KCND2: variants seen among roughly 807,000 people sequenced by gnomAD.
KCND2 encodes A-type voltage-gated potassium channel KCND2.
A neutral mutation model predicts 54.4 loss-of-function variants in KCND2; 16 were observed. The ratio of observed to expected loss-of-function variants is 0.29; its 90% CI spans 0.20 to 0.45. The LOEUF is 0.45. Ranked by LOEUF, KCND2 falls within the 20% of genes least tolerant of loss-of-function variation. KCND2 has a pLI of 1.00. For missense variants in KCND2, 486 were observed against 824.2 expected (o/e 0.59, Z 5.02); for synonymous variants, 317 against 310.7 (o/e 1.02, Z -0.21).
intron 1 of KCND2, among the ~76,000 whole-genome samples, chr7:120,678,648 A>G (rs1177407172): frequency 1.4e-5 from 2 of 147,548 alleles, no homozygotes; most frequent in Non-Finnish European, 3.0e-5. Flanking sequence ...ACACACATAT[A>G]TACACATACA....
intron 1 of KCND2, among the ~76,000 whole-genome samples, chr7:120,438,442 C>T (rs536768193): frequency 6.6e-6 from 1 of 151,888 alleles, no homozygotes; most frequent in East Asian, 1.9e-4. Context: ...TAATATTTTC[C>T]AAAGATAAAG....
chr7:120,685,190 T>A (rs1419101560), intron 1 of KCND2, among the ~76,000 whole-genome samples: 2 of 152,084 alleles, frequency 1.3e-5, no homozygotes, highest in Non-Finnish European at 2.9e-5. Context: ...GCTGATAAAG[T>A]TGGAAACTCT....
intron 1 of KCND2, among the ~76,000 whole-genome samples, chr7:120,548,550 A>G (rs1402286533): frequency 6.6e-6 from 1 of 152,138 alleles, no homozygotes; most frequent in East Asian, 1.9e-4. Context: ...TTTCTTCTCA[A>G]TCAAACAAGG....
intron 1 of KCND2, among the ~76,000 whole-genome samples, chr7:120,302,300 C>A (rs903006872): frequency 1.3e-5 from 2 of 152,154 alleles, no homozygotes; most frequent in African/African-American, 4.8e-5. Context: ...CACTCTTTTG[C>A]CCAGGCTGGA....
intron 1 of KCND2, among the ~76,000 whole-genome samples, chr7:120,723,664 A>G (rs1474522893): frequency 2.0e-5 from 3 of 152,272 alleles, no homozygotes; most frequent in South Asian, 2.1e-4. Context: ...ACTGTAGTAC[A>G]CTATGACTAT....
At chr7:120,604,774 A>AT (rs950875898) in intron 1 of KCND2, among the ~76,000 whole-genome samples, 1 of 149,686 alleles carries the variant, frequency 6.7e-6, no homozygotes, top group African/African-American at 2.5e-5. Flanking sequence ...AACAAGAAAA[A>AT]TTTTTTTATG....
chr7:120,556,978 G>A (rs1268382350), intron 1 of KCND2, among the ~76,000 whole-genome samples: 1 of 152,100 alleles, frequency 6.6e-6, no homozygotes, highest in Non-Finnish European at 1.5e-5. Context: ...CCAACAATGT[G>A]AATCTCTAAA....
chr7:120,314,537 T>C (rs73431904), intron 1 of KCND2, among the ~76,000 whole-genome samples: 3,245 of 152,252 alleles, frequency 0.021, 131 homozygotes, highest in African/African-American at 0.074. Flanking sequence ...TTATACCATG[T>C]TACCATAAAG....
chr7:120,729,672 A>G (rs200188188), intron 1 of KCND2, among the ~76,000 whole-genome samples: 16 of 152,228 alleles, frequency 1.1e-4, no homozygotes, highest in Non-Finnish European at 2.2e-4. Context: ...GTGAGAGAAG[A>G]TGTTCCCACT....
intron 2 of KCND2, among the ~76,000 whole-genome samples, chr7:120,734,360 A>T (rs976716004): frequency 5.9e-5 from 9 of 152,104 alleles, no homozygotes; most frequent in Non-Finnish European, 1.0e-4. Context: ...TTGAGTCAAC[A>T]CATACAACCT....
At chr7:120,371,210 A>C (rs1305659566) in intron 1 of KCND2, among the ~76,000 whole-genome samples, 1 of 151,996 alleles carries the variant, frequency 6.6e-6, no homozygotes, top group East Asian at 1.9e-4. Flanking sequence ...CCCTGAGTTC[A>C]GCAGAGCCTT....
intron 1 of KCND2, among the ~76,000 whole-genome samples, chr7:120,323,140 C>G (rs934813715): frequency 1.3e-5 from 2 of 151,916 alleles, no homozygotes; most frequent in African/African-American, 4.8e-5. Context: ...AATACTCTCC[C>G]TTTCCTTACC....
intron 1 of KCND2, among the ~76,000 whole-genome samples, chr7:120,661,182 T>TA (rs34509439): frequency 0.034 from 5,220 of 152,272 alleles, 208 homozygotes; most frequent in African/African-American, 0.1. Context: ...GGATCATCTG[T>TA]ATTGCTCCTG....
chr7:120,650,708 C>T (rs1313199547), intron 1 of KCND2, among the ~76,000 whole-genome samples: 1 of 143,792 alleles, frequency 7.0e-6, no homozygotes, highest in African/African-American at 2.7e-5. Flanking sequence ...TTAGAATTTT[C>T]AGCTTTTCTG....
At chr7:120,747,334 T>C (rs1362678976) in intron 5 of KCND2, among the ~76,000 whole-genome samples, 1 of 152,114 alleles carries the variant, frequency 6.6e-6, no homozygotes, top group Admixed American at 6.6e-5. Flanking sequence ...TTCATAGTGG[T>C]TTCTCAAACC....
intron 1 of KCND2, among the ~76,000 whole-genome samples, chr7:120,352,805 T>A (rs1800435383): frequency 6.6e-6 from 1 of 152,194 alleles, no homozygotes; most frequent in South Asian, 2.1e-4. Context: ...TAAGTCAGTC[T>A]ACATTTGTAG....
intron 1 of KCND2, among the ~76,000 whole-genome samples, chr7:120,562,093 A>G (rs918953493): frequency 6.6e-6 from 1 of 152,186 alleles, no homozygotes; most frequent in Non-Finnish European, 1.5e-5. Flanking sequence ...GTAAATATTC[A>G]TCAAGGCTGC....
chr7:120,575,279 A>G (rs1792416511), intron 1 of KCND2, among the ~76,000 whole-genome samples: 1 of 152,176 alleles, frequency 6.6e-6, no homozygotes, highest in Non-Finnish European at 1.5e-5. Flanking sequence ...TCTATGGTCA[A>G]AAGCCTAAGA....
intron 1 of KCND2, among the ~76,000 whole-genome samples, chr7:120,589,127 A>C (rs1792638644): frequency 1.3e-5 from 2 of 152,212 alleles, no homozygotes; most frequent in African/African-American, 2.4e-5. Flanking sequence ...AGCTGAACTC[A>C]GTCATGCAAT....
Sources: allele counts gnomAD v4.1 joint callset (sites outside exome capture counted in the v4.1 genomes callset), GRCh38; gene constraint gnomAD v4.1.1; transcripts MANE v1.5; gene names NCBI Gene and HGNC (gene_info 2026-07-23, HGNC 2026-07-21).